HECTD2: variants seen among roughly 807,000 people sequenced by gnomAD.
HECTD2 encodes probable E3 ubiquitin-protein ligase HECTD2.
A neutral mutation model predicts 103.2 loss-of-function variants in HECTD2; 35 were observed. The observed-to-expected ratio is 0.34, with a 90% confidence interval of 0.26 to 0.45. The LOEUF (loss-of-function observed/expected upper bound fraction) is 0.45. Ranked by LOEUF, HECTD2 falls within the 20% of genes least tolerant of loss-of-function variation. The pLI is 1.00. For missense variants in HECTD2, 596 were observed against 937.4 expected, an observed-to-expected ratio of 0.64 and a Z score of 4.76; for synonymous variants, 281 against 329.9, an observed-to-expected ratio of 0.85 and a Z score of 1.61.
chr10:91,409,524 G>A (rs1842829758), upstream of HECTD2: 1 of 153,006 alleles, frequency 6.5e-6, no homozygotes, highest in Non-Finnish European at 1.5e-5. Context: ...GTGGGGACGG[G>A]AAGGGAGAGG....
intron 16 of HECTD2, 101 bp from the exon 17 acceptor site, chr10:91,498,771 G>A: frequency 1.5e-6 from 1 of 656,662 alleles, no homozygotes. Context: ...GTGTTTAGAA[G>A]GAAGGGGGAA....
intron 2 of HECTD2, among the ~76,000 whole-genome samples, chr10:91,426,734 T>C (rs1196958032): frequency 6.6e-6 from 1 of 151,906 alleles, no homozygotes; most frequent in Admixed American, 6.6e-5. Context: ...AAGTTTTTGA[T>C]TGGCCATATT....
At chr10:91,418,275 T>C (rs1282215753) in intron 1 of HECTD2, among the ~76,000 whole-genome samples, 1 of 152,224 alleles carries the variant, frequency 6.6e-6, no homozygotes, top group Non-Finnish European at 1.5e-5. Flanking sequence ...TGTATAACCA[T>C]AATGTATTCA....
intron 20 of HECTD2, among the ~76,000 whole-genome samples, chr10:91,505,839 C>A (rs1208105403): frequency 1.3e-5 from 2 of 151,634 alleles, no homozygotes; most frequent in East Asian, 1.9e-4. Context: ...AGCACCACAC[C>A]ACACCTATTC....
At position 91,513,485 on chromosome 10, in the gene HECTD2, A is replaced by C. The variant is rs953673455; in HGVS notation, c.*1101A>C. 2 of 152,628 alleles carry C rather than the reference A, an allele frequency of 1.3e-5. No individual in the cohort carries two copies. Among genetic ancestry groups the C allele is most frequent in the Admixed American group, 6.5e-5 (1 of 15,272 alleles). 9.5% of individuals were successfully genotyped at this position (152,628 alleles called of 1,614,324 possible). On this transcript the variant is annotated 3_prime_UTR_variant, in exon 21 of 21. Transcript: ENST00000298068. ...AATGTTTGTTTTTCACTGGATTCTGAATATAATAAATTCAAAGTACCCTTT... is the reference window on the plus strand; with the variant it reads ...AATGTTTGTTTTTCACTGGATTCTGCATATAATAAATTCAAAGTACCCTTT...
chr10:91,424,010 TG>T (rs2133025943), intron 1 of HECTD2, among the ~76,000 whole-genome samples: 1 of 152,280 alleles, frequency 6.6e-6, no homozygotes, highest in South Asian at 2.1e-4. Flanking sequence ...CAAGTTTCAG[TG>T]TTTGAAAACT....
chr10:91,419,000 A>G (rs1431200899), intron 1 of HECTD2, among the ~76,000 whole-genome samples: 4 of 152,198 alleles, frequency 2.6e-5, no homozygotes, highest in Non-Finnish European at 5.9e-5. Flanking sequence ...TTTTATAGAC[A>G]TAGACGTTCA....
chr10:91,469,900 GA>G (rs796091826), intron 5 of HECTD2, among the ~76,000 whole-genome samples: 13 of 151,854 alleles, frequency 8.6e-5, no homozygotes, highest in Admixed American at 7.9e-4. Context: ...CAATAGAAAA[GA>G]AAAAAGAGCA....
chr10:91,468,188 G>T (rs1306631645), intron 5 of HECTD2, among the ~76,000 whole-genome samples: 1 of 152,146 alleles, frequency 6.6e-6, no homozygotes, highest in Non-Finnish European at 1.5e-5. Context: ...GAAGACCTCA[G>T]CCCTTTTGGC....
rs576802131 is a variant in HECTD2, at chr10:91,451,303, T to C, written c.269-9124T>C. 2.6e-5 allele frequency among the ~76,000 whole-genome samples: 4 copies of C among 151,996 alleles called. No homozygotes were observed. The South Asian group carries it at 8.4e-4, about 32-fold the overall frequency. On this transcript the variant is annotated intron_variant, in intron 2 of 20. Coordinates refer to ENST00000298068, the MANE Select transcript of HECTD2 (RefSeq NM_182765.6). ...ACCGAACACCACATGTTCTCACTCA[T>C]AAGTGGGAGTTGAACAATGAGAACA... is the stretch of plus-strand genomic sequence containing the variant.
intron 5 of HECTD2, among the ~76,000 whole-genome samples, chr10:91,472,205 A>G (rs986203463): frequency 1.3e-5 from 2 of 152,098 alleles, no homozygotes; most frequent in African/African-American, 4.8e-5. Flanking sequence ...AATAATAGGG[A>G]AAAGATTATC....
intron 11 of HECTD2, chr10:91,488,904 C>A (rs999695059): frequency 2.0e-5 from 3 of 152,134 alleles, no homozygotes; most frequent in Admixed American, 2.0e-4. Flanking sequence ...AGAATTGTTA[C>A]TTGATCTTGG....
rs191847477 is a variant in HECTD2 at position 91,413,884 on chromosome 10, G to A, written c.138+3308G>A. On this transcript the variant is annotated intron_variant, in intron 1 of 20. Coordinates refer to ENST00000298068, the MANE Select transcript of HECTD2 (RefSeq NM_182765.6). ...GTCTTGGCCTTGCTGCTGTGGAGAG[G>A]TGATGCAAATCCATGGAGTCAAACA... Among the ~76,000 whole-genome samples the A allele has an allele frequency of 3.6e-3, 548 of 152,314 alleles. 3 individuals carry two copies. The highest frequency in any genetic ancestry group is 0.01 in the Middle Eastern group (3 of 294).
intron 2 of HECTD2, among the ~76,000 whole-genome samples, chr10:91,426,930 ATGCTGGTG>A (rs1357911506): frequency 2.0e-5 from 3 of 150,626 alleles, no homozygotes; most frequent in Non-Finnish European, 4.4e-5. Context: ...TACATGTGCC[ATGCTGGTG>A]TGCTGTACCC....
At chr10:91,500,024 A>C (rs930576062) in intron 18 of HECTD2, among the ~76,000 whole-genome samples, 1 of 152,206 alleles carries the variant, frequency 6.6e-6, no homozygotes, top group African/African-American at 2.4e-5. Context: ...ATAGCATAGC[A>C]TGGTCTCTGT....
intron 1 of HECTD2, among the ~76,000 whole-genome samples, chr10:91,411,309 C>A (rs868379197): frequency 6.6e-6 from 1 of 152,098 alleles, no homozygotes; most frequent in East Asian, 1.9e-4. Context: ...CCCCCTCTTT[C>A]CCTATTTTTA....
chr10:91,491,334 A>T lies in HECTD2; in HGVS notation c.1299+27A>T, dbSNP rs766419573. ...TATAATTTATTCCAAAATGATATTA[A>T]TTAAAGCTTAAAATTCTATAATATG... On this transcript the variant is annotated intron_variant, in intron 12 of 20. Transcript: ENST00000298068. 2.4e-5 allele frequency: 25 copies of T among 1,044,576 alleles called. No individual in the cohort carries two copies. In the South Asian group the frequency reaches 3.8e-4, roughly 16 times the overall value. 64.7% of individuals were successfully genotyped at this position (1,044,576 alleles called of 1,614,324 possible).
chr10:91,496,074 G>T, intron 14 of HECTD2, 140 bp from the exon 15 acceptor site: 1 of 498,330 alleles, frequency 2.0e-6, no homozygotes, highest in East Asian at 3.2e-5. Context: ...AAATGAAAGA[G>T]GGGAAAGGAA....
Position 91,514,181 on chromosome 10 carries a change from G to A in HECTD2, c.*1797G>A, listed in dbSNP as rs1291413410. The A allele has an allele frequency of 6.6e-6, 1 of 152,602 alleles. No individual in the cohort carries two copies. Among genetic ancestry groups the A allele is most frequent in the Non-Finnish European group, 1.5e-5 (1 of 68,030 alleles). 9.5% of individuals were successfully genotyped at this position (152,602 alleles called of 1,614,324 possible). ...AAGTGTTTTAAATAAAATGTAAACA[G>A]TTTTTATTTGGTAGAGATGACTCAT... On this transcript the variant is annotated 3_prime_UTR_variant, in exon 21 of 21. Transcript: ENST00000298068.
Sources: allele counts gnomAD v4.1 joint callset (sites outside exome capture counted in the v4.1 genomes callset), GRCh38; gene constraint gnomAD v4.1.1; transcripts MANE v1.5; gene names NCBI Gene and HGNC (gene_info 2026-07-23, HGNC 2026-07-21).